Variants in SPAG6 observed in about 807,000 individuals in gnomAD.
The protein encoded by SPAG6 is sperm associated antigen 6, also known as sperm-associated antigen 6.
Under a neutral mutation model 58.5 loss-of-function variants are expected in SPAG6, and 49 were observed. The ratio of observed to expected loss-of-function variants is 0.84; its 90% CI spans 0.67 to 1.06. SPAG6 has a LOEUF of 1.06. SPAG6 is among the 50% of genes least tolerant of loss of function. SPAG6 has a pLI of 0.00. For missense variants in SPAG6, 560 were observed against 611.3 expected (o/e 0.92, Z 0.89); for synonymous variants, 233 against 225.6 (o/e 1.03, Z -0.29).
At chr10:22,360,833 C>T (rs976038125) in intron 2 of SPAG6, 20 of 1,532,432 alleles carry the variant, frequency 1.3e-5, no homozygotes, top group Non-Finnish European at 1.7e-5. Flanking sequence ...TGCATTCACT[C>T]ACCATGGATC....
chr10:22,401,427 C>T, intron 9 of SPAG6, 150 bp downstream of exon 9: 2 of 594,292 alleles, frequency 3.4e-6, no homozygotes, highest in Admixed American at 6.6e-5. Flanking sequence ...GAGAAGTTAC[C>T]TTAATAAAAT....
intron 9 of SPAG6, among the ~76,000 whole-genome samples, chr10:22,401,908 G>A (rs1834423551): frequency 6.6e-6 from 1 of 152,148 alleles, no homozygotes. Context: ...TAGTCAGGAT[G>A]GTGACCCTAA....
intron 10 of SPAG6, among the ~76,000 whole-genome samples, chr10:22,414,063 G>A (rs1834810832): frequency 6.6e-6 from 1 of 152,080 alleles, no homozygotes; most frequent in African/African-American, 2.4e-5. Context: ...GAAGACCTAA[G>A]TTCTGGGCCT....
chr10:22,384,896 A>G (rs544105382), intron 4 of SPAG6, among the ~76,000 whole-genome samples: 1 of 152,264 alleles, frequency 6.6e-6, no homozygotes, highest in Non-Finnish European at 1.5e-5. Flanking sequence ...GATAGATAAT[A>G]GATGTTTTTT....
chr10:22,352,964 C>T (rs897201215), intron 2 of SPAG6, among the ~76,000 whole-genome samples: 1 of 152,180 alleles, frequency 6.6e-6, no homozygotes, highest in Non-Finnish European at 1.5e-5. Flanking sequence ...CTGTTCAGAA[C>T]TCAGTTGCAG....
chr10:22,378,795 G>T, intron 4 of SPAG6, among the ~76,000 whole-genome samples: 1 of 151,876 alleles, frequency 6.6e-6, no homozygotes, highest in Non-Finnish European at 1.5e-5. Flanking sequence ...TCCACTTCTT[G>T]ACTTTTTCTT....
intron 2 of SPAG6, among the ~76,000 whole-genome samples, chr10:22,347,226 C>T (rs1311409557): frequency 6.6e-6 from 1 of 152,108 alleles, no homozygotes; most frequent in Non-Finnish European, 1.5e-5. Context: ...AAAATTTTGT[C>T]ATTTCAGAAT....
intron 10 of SPAG6, among the ~76,000 whole-genome samples, chr10:22,413,937 C>A (rs891304999): frequency 6.6e-6 from 1 of 152,014 alleles, no homozygotes; most frequent in Non-Finnish European, 1.5e-5. Context: ...CTGATACATT[C>A]ATCTGTTACT....
intron 2 of SPAG6, among the ~76,000 whole-genome samples, chr10:22,364,057 G>A (rs1837123072): frequency 6.6e-6 from 1 of 152,162 alleles, no homozygotes; most frequent in Non-Finnish European, 1.5e-5. Context: ...AATACTATTG[G>A]TGTCTCTCTT....
rs1271937281 is a variant in SPAG6, at chr10:22,387,931, A to G, written c.787A>G (p.Lys263Glu). 3 of 1,613,150 alleles carry G rather than the reference A, an allele frequency of 1.9e-6. No individual in the cohort carries two copies. The Admixed American group carries it at 5.0e-5, about 27-fold the overall frequency. Residue 263 changes from lysine to glutamate, a missense_variant, in exon 6 of 11, where the codon AAG becomes GAG. By Grantham distance (56) the Lys-to-Glu change is moderately conservative. Transcript: ENST00000376624. ...FPVVLTCLKDKDEYVKKNAST... is the reference protein window; with the variant it reads ...FPVVLTCLKDEDEYVKKNAST... ...AGTTGTACTTACCTGTCTGAAGGAC[A>G]AGGATGAATACGTGAAGAAAAATGC...
At chr10:22,387,714 C>A in intron 5 of SPAG6, 109 bp from the exon 6 acceptor site, 2 of 1,054,664 alleles carry the variant, frequency 1.9e-6, no homozygotes, top group Non-Finnish European at 1.3e-6. Context: ...ACATTTTTTT[C>A]CTTTTATAAA....
intron 2 of SPAG6, among the ~76,000 whole-genome samples, chr10:22,355,392 C>G (rs1836839253): frequency 6.6e-6 from 1 of 152,104 alleles, no homozygotes; most frequent in South Asian, 2.1e-4. Flanking sequence ...TCCTCTCAGC[C>G]CTTCCACTAA....
chr10:22,382,904 A>G (rs544766543), intron 4 of SPAG6, among the ~76,000 whole-genome samples: 1 of 152,318 alleles, frequency 6.6e-6, no homozygotes, highest in East Asian at 1.9e-4. Flanking sequence ...CACCCATAGT[A>G]CCATCAACCC....
chr10:22,380,967 C>G (rs1298514172), intron 4 of SPAG6, among the ~76,000 whole-genome samples: 2 of 151,882 alleles, frequency 1.3e-5, no homozygotes, highest in African/African-American at 4.8e-5. Flanking sequence ...CTCATGATCA[C>G]TTGTTTGCTC....
intron 4 of SPAG6, among the ~76,000 whole-genome samples, chr10:22,382,346 C>A (rs1307531804): frequency 6.6e-6 from 1 of 151,974 alleles, no homozygotes; most frequent in Non-Finnish European, 1.5e-5. Context: ...TACATATATG[C>A]AATAAACAGC....
At chr10:22,358,593 C>T (rs914612887) in intron 2 of SPAG6, among the ~76,000 whole-genome samples, 4 of 151,886 alleles carry the variant, frequency 2.6e-5, no homozygotes, top group African/African-American at 9.7e-5. Context: ...TAATGAGATC[C>T]CATTTGTCAA....
At chr10:22,369,943 A>G (rs987147296) in intron 4 of SPAG6, among the ~76,000 whole-genome samples, 1 of 152,212 alleles carries the variant, frequency 6.6e-6, no homozygotes, top group Non-Finnish European at 1.5e-5. Flanking sequence ...AGAATTCCAC[A>G]GGATGGAAAA....
chr10:22,373,376 T>A (rs1245083406), intron 4 of SPAG6, among the ~76,000 whole-genome samples: 1 of 152,238 alleles, frequency 6.6e-6, no homozygotes, highest in Admixed American at 6.5e-5. Flanking sequence ...TTGAATATTC[T>A]TCTTATGCCA....
At position 22,345,978 on chromosome 10, in the gene SPAG6, A is replaced by G. The variant is rs763383259; in HGVS notation, c.121+160A>G. On this transcript the variant is annotated intron_variant, in intron 2 of 10. Coordinates refer to ENST00000376624, the MANE Select transcript of SPAG6 (RefSeq NM_012443.4). This position sits in a 1 kb window ranked among gnomAD's most constrained non-coding sequence, Gnocchi z 6.3. ...CAGCGGGTCTTTGGGGGTCAGGCCG[A>G]GAGGGTGAAGCTTCCAGATGGTTGT... 2 of 1,549,164 alleles carry G rather than the reference A, an allele frequency of 1.3e-6. No homozygotes were observed. Among genetic ancestry groups the G allele is most frequent in the Non-Finnish European group, 8.7e-7 (1 of 1,146,506 alleles).
Sources: allele counts gnomAD v4.1 joint callset (sites outside exome capture counted in the v4.1 genomes callset), GRCh38; gene constraint gnomAD v4.1.1; non-coding constraint Gnocchi (gnomAD v3.1); transcripts MANE v1.5; gene names NCBI Gene and HGNC (gene_info 2026-07-23, HGNC 2026-07-21).